FAF1: variants seen among roughly 807,000 people sequenced by gnomAD.
FAF1 encodes the protein FAS-associated factor 1.
FAF1 carries 25 observed loss-of-function variants against 92.5 expected under a neutral mutation model. The observed-to-expected ratio is 0.27, with a 90% CI of 0.20 to 0.38. The LOEUF is 0.38. Among genes scored for constraint, FAF1 ranks in the 10% least tolerant of loss-of-function variants. The pLI is 1.00. For missense variants in FAF1, 636 were observed against 793.3 expected (o/e 0.80, Z 2.38); for synonymous variants, 234 against 273.2 (o/e 0.86, Z 1.42).
At chr1:50,540,176 C>T (rs756723590) in intron 13 of FAF1, among the ~76,000 whole-genome samples, 10 of 151,938 alleles carry the variant, frequency 6.6e-5, no homozygotes, top group African/African-American at 9.7e-5. Context: ...GTTTGACCAT[C>T]TTGGCCAGGA....
intron 7 of FAF1, among the ~76,000 whole-genome samples, chr1:50,681,674 ATT>A (rs1211289812): frequency 6.8e-5 from 9 of 131,904 alleles, no homozygotes; most frequent in Admixed American, 2.3e-4. Context: ...TGTAATCCCT[ATT>A]TTTTTTTTTT....
chr1:50,746,917 C>T (rs1157739884), intron 4 of FAF1, among the ~76,000 whole-genome samples: 1 of 152,204 alleles, frequency 6.6e-6, no homozygotes, highest in African/African-American at 2.4e-5. Flanking sequence ...TGTATCCAGC[C>T]ATGGCTCAAA....
intron 1 of FAF1, among the ~76,000 whole-genome samples, chr1:50,888,773 T>A (rs1644692223): frequency 6.6e-6 from 1 of 152,202 alleles, no homozygotes; most frequent in Non-Finnish European, 1.5e-5. Context: ...TGCCAGTATT[T>A]TATTGAGGAT....
chr1:50,656,344 CAAA>C (rs77836738), intron 7 of FAF1, among the ~76,000 whole-genome samples: 7 of 77,580 alleles, frequency 9.0e-5, no homozygotes, highest in Non-Finnish European at 1.1e-4. Context: ...TACCACCGAC[CAAA>C]AAAAAAAAAA....
At chr1:50,559,351 G>A (rs71651151) in intron 13 of FAF1, among the ~76,000 whole-genome samples, 1 of 152,016 alleles carries the variant, frequency 6.6e-6, no homozygotes, top group East Asian at 1.9e-4. Flanking sequence ...AATTGTAAGA[G>A]GCCATCACTT....
At chr1:50,773,415 T>C (rs1398583742) in intron 4 of FAF1, among the ~76,000 whole-genome samples, 3 of 152,164 alleles carry the variant, frequency 2.0e-5, no homozygotes, top group Non-Finnish European at 4.4e-5. Flanking sequence ...AGCCAAGAGA[T>C]GGGAACAATC....
At chr1:50,672,037 AT>A (rs1340309904) in intron 7 of FAF1, among the ~76,000 whole-genome samples, 4 of 120,050 alleles carry the variant, frequency 3.3e-5, no homozygotes, top group South Asian at 5.1e-4. Flanking sequence ...TTTTTTTATT[AT>A]TTATTTACTT....
chr1:50,666,434 T>C (rs1456976779), intron 7 of FAF1, among the ~76,000 whole-genome samples: 4 of 151,942 alleles, frequency 2.6e-5, no homozygotes, highest in Non-Finnish European at 5.9e-5. Flanking sequence ...CTCAAACCCC[T>C]GGACTCAAGC....
intron 7 of FAF1, among the ~76,000 whole-genome samples, chr1:50,666,573 A>C (rs985965526): frequency 6.6e-6 from 1 of 152,090 alleles, no homozygotes; most frequent in Non-Finnish European, 1.5e-5. Flanking sequence ...CTTAATTCTA[A>C]ACAGTGGTCA....
chr1:50,875,665 C>T (rs1440204744), intron 1 of FAF1, among the ~76,000 whole-genome samples: 1 of 152,102 alleles, frequency 6.6e-6, no homozygotes, highest in African/African-American at 2.4e-5. Flanking sequence ...GTTGGTCAGG[C>T]TGGTCTCGAA....
Position 50,959,868 on chromosome 1 carries a change from G to A in FAF1, c.-57C>T. 7 of 1,359,284 alleles carry A rather than the reference G, an allele frequency of 5.1e-6. No individual in the cohort carries two copies. Among genetic ancestry groups the A allele is most frequent in the Non-Finnish European group, 5.9e-6 (6 of 1,015,502 alleles). 84.2% of individuals were successfully genotyped at this position (1,359,284 alleles called of 1,614,324 possible). ...GAAGCGCGCACCTGGGAGGCAGACG[G>A]CACCTCCTGCGACCGTCGCCGCCAC... On this transcript the variant is annotated 5_prime_UTR_variant, in exon 1 of 19. Coordinates refer to ENST00000396153, the MANE Select transcript of FAF1 (RefSeq NM_007051.3).
At chr1:50,944,213 G>A (rs1645156500) in intron 1 of FAF1, among the ~76,000 whole-genome samples, 1 of 152,138 alleles carries the variant, frequency 6.6e-6, no homozygotes. Context: ...AAGTTTACAG[G>A]GAATGACAAA....
chr1:50,685,499 G>C (rs2124377981), intron 7 of FAF1, among the ~76,000 whole-genome samples: 1 of 152,256 alleles, frequency 6.6e-6, no homozygotes, highest in East Asian at 1.9e-4. Context: ...TCATAAAATG[G>C]GGAAAAGCAA....
chr1:50,606,184 A>C (rs1482552233), intron 8 of FAF1, among the ~76,000 whole-genome samples: 1 of 152,242 alleles, frequency 6.6e-6, no homozygotes. Flanking sequence ...AATTATTTTT[A>C]AGAATCTAAG....
At chr1:50,909,568 T>C (rs1225071399) in intron 1 of FAF1, among the ~76,000 whole-genome samples, 1 of 152,186 alleles carries the variant, frequency 6.6e-6, no homozygotes, top group Non-Finnish European at 1.5e-5. Flanking sequence ...GAGGCTTTGT[T>C]TGTTTCTTTT....
intron 17 of FAF1, among the ~76,000 whole-genome samples, chr1:50,487,842 AG>A (rs1196817627): frequency 6.6e-6 from 1 of 152,174 alleles, no homozygotes; most frequent in East Asian, 1.9e-4. Context: ...TGCTGTGAAA[AG>A]TCAGGTGACC....
intron 2 of FAF1, among the ~76,000 whole-genome samples, chr1:50,802,610 G>A (rs1210808339): frequency 6.6e-6 from 1 of 152,184 alleles, no homozygotes; most frequent in East Asian, 1.9e-4. Flanking sequence ...GTTTTTGAAG[G>A]CTATTAAGCA....
intron 15 of FAF1, among the ~76,000 whole-genome samples, chr1:50,512,331 T>C (rs1022812464): frequency 6.6e-6 from 1 of 152,216 alleles, no homozygotes; most frequent in Non-Finnish European, 1.5e-5. Flanking sequence ...ATGTCCTGAA[T>C]GGTATTGCCT....
At chr1:50,619,924 T>G (rs1653112356) in intron 8 of FAF1, among the ~76,000 whole-genome samples, 2 of 151,430 alleles carry the variant, frequency 1.3e-5, no homozygotes, top group South Asian at 4.2e-4. Flanking sequence ...TTTTTTTTTT[T>G]TTGAGACAGA....
Sources: allele counts gnomAD v4.1 joint callset (sites outside exome capture counted in the v4.1 genomes callset), GRCh38; gene constraint gnomAD v4.1.1; transcripts MANE v1.5; gene names NCBI Gene and HGNC (gene_info 2026-07-23, HGNC 2026-07-21).